The following CORO2A variants were observed in gnomAD, a reference collection of about 807,000 sequenced individuals.
CORO2A encodes the protein coronin-2A.
In CORO2A, 47 loss-of-function variants were observed where a neutral mutation model predicts 62.4. That is an observed-to-expected ratio of 0.75 (90% CI 0.60 to 0.96). CORO2A has a LOEUF of 0.96. Among genes scored for constraint, CORO2A ranks in the 40% least tolerant of loss-of-function variants. CORO2A has a pLI of 0.00. For missense variants in CORO2A, 610 were observed against 684.1 expected (o/e 0.89, Z 1.21); for synonymous variants, 273 against 268.9 (o/e 1.02, Z -0.15).
chr9:98,148,007 G>T (rs569256218), intron 2 of CORO2A, among the ~76,000 whole-genome samples: 2 of 151,910 alleles, frequency 1.3e-5, no homozygotes, highest in East Asian at 3.9e-4. Context: ...GGCACTTTGG[G>T]AGGCTGAGGC....
chr9:98,134,035 A>G (rs952221093), intron 4 of CORO2A, among the ~76,000 whole-genome samples: 34 of 152,242 alleles, frequency 2.2e-4, no homozygotes, highest in African/African-American at 8.2e-4. Context: ...TACAGGTGTG[A>G]GCCACCATGT....
At chr9:98,155,950 T>C (rs1827797276) in intron 2 of CORO2A, among the ~76,000 whole-genome samples, 1 of 152,164 alleles carries the variant, frequency 6.6e-6, no homozygotes. Context: ...CCCTTTTATC[T>C]TCTCTAATGT....
chr9:98,166,581 G>A (rs755316190), intron 1 of CORO2A, among the ~76,000 whole-genome samples: 3 of 152,144 alleles, frequency 2.0e-5, no homozygotes, highest in Non-Finnish European at 4.4e-5. Context: ...ATGCAAAAGG[G>A]TTTAGTTGCT....
intron 1 of CORO2A, among the ~76,000 whole-genome samples, chr9:98,174,159 G>T (rs2118917624): frequency 7.7e-6 from 1 of 129,108 alleles, no homozygotes; most frequent in South Asian, 2.4e-4. Flanking sequence ...AAACCAAAGA[G>T]CGTGTAGCCC....
intron 1 of CORO2A, among the ~76,000 whole-genome samples, chr9:98,174,151 A>C (rs568864168): frequency 1.8e-4 from 25 of 137,574 alleles, no homozygotes; most frequent in Admixed American, 8.0e-4. Flanking sequence ...AAAAAAAAAA[A>C]CCAAAGAGCG....
chr9:98,181,463 T>A (rs9918998), intron 1 of CORO2A, among the ~76,000 whole-genome samples: 24,300 of 151,108 alleles, frequency 0.16, 2,735 homozygotes, highest in African/African-American at 0.29. Flanking sequence ...GGCGTGAGCC[T>A]CGGTGCCTGG....
chr9:98,137,515 C>T, intron 3 of CORO2A, 57 bp downstream of exon 3: 3 of 1,436,670 alleles, frequency 2.1e-6, no homozygotes, highest in Non-Finnish European at 2.9e-6. Flanking sequence ...CATTCCACCC[C>T]AACCACCCCA....
intron 10 of CORO2A, 88 bp from the exon 11 acceptor site, chr9:98,126,911 G>C: frequency 7.0e-7 from 1 of 1,431,206 alleles, no homozygotes; most frequent in Non-Finnish European, 9.8e-7. Flanking sequence ...GGCATGCAGA[G>C]ACACTCAGAG....
rs1827363312 is a variant in CORO2A, at chr9:98,128,676, G to A, written c.1011C>T (p.Ile337=). The A allele has an allele frequency of 6.2e-7, 1 of 1,614,104 alleles. No individual in the cohort carries two copies. Among genetic ancestry groups the A allele is most frequent in the African/African-American group, 1.3e-5 (1 of 74,930 alleles). The change falls in exon 9 of 12, where the codon ATC becomes ATT. Residue 337 remains isoleucine, a synonymous_variant. Transcript: ENST00000375077. ...KRGLDVSSCE[I]FRFYKLITTK... ...TTGTGATCAGCTTGTAGAAGCGGAA[G>A]ATCTCGCAGGAGGACACGTCGAGTC... is the stretch of plus-strand genomic sequence containing the variant.
chr9:98,163,432 C>A (rs749579948), intron 1 of CORO2A, among the ~76,000 whole-genome samples: 1 of 152,162 alleles, frequency 6.6e-6, no homozygotes, highest in Non-Finnish European at 1.5e-5. Context: ...TCAGGTGATC[C>A]GCCTACCTTG....
chr9:98,177,761 A>G (rs1419769051), intron 1 of CORO2A, among the ~76,000 whole-genome samples: 1 of 151,514 alleles, frequency 6.6e-6, no homozygotes, highest in Admixed American at 6.6e-5. Flanking sequence ...AAAAAAACAA[A>G]CTGTGCTCAC....
At chr9:98,189,763 T>C (rs1370617123) in intron 1 of CORO2A, among the ~76,000 whole-genome samples, 2 of 152,248 alleles carry the variant, frequency 1.3e-5, no homozygotes, top group African/African-American at 4.8e-5. Flanking sequence ...ACTGTTTCTA[T>C]GCTGGCCAGA....
intron 1 of CORO2A, among the ~76,000 whole-genome samples, chr9:98,179,313 C>T (rs1828147584): frequency 6.6e-6 from 1 of 152,214 alleles, no homozygotes; most frequent in Admixed American, 6.5e-5. Flanking sequence ...GACGCGGAGA[C>T]CCTGCTGCCC....
rs897164855 is a variant in CORO2A at position 98,124,291 on chromosome 9, G to C, written c.*483C>G. ...GGCCTCCCAACATGCTGGAATTACA[G>C]GCGTGAGCCACTGCGCCTGGTGAGA... is the stretch of plus-strand genomic sequence containing the variant. On this transcript the variant is annotated 3_prime_UTR_variant, in exon 12 of 12. Transcript: ENST00000375077. 1 of 152,404 alleles carries C rather than the reference G, an allele frequency of 6.6e-6. No homozygotes were observed. The highest frequency in any genetic ancestry group is 1.9e-4 in the East Asian group (1 of 5,204). 9.4% of individuals were successfully genotyped at this position (152,404 alleles called of 1,614,324 possible).
In CORO2A at chr9:98,132,222, G is replaced by A. The variant is rs1185010339; in HGVS notation, c.728C>T (p.Ser243Phe). 1.2e-6 allele frequency: 2 copies of A among 1,614,210 alleles called. No homozygotes were observed. Among genetic ancestry groups the A allele is most frequent in the Admixed American group, 3.3e-5 (2 of 60,032 alleles). ...NLKKLMSTGT[S>F]RWNNRQVALW... ...GGCCACCTGCCGGTTGTTCCATCGG[G>A]ATGTGCCTGTGGACATCAGCTTCTT... The change falls in exon 6 of 12, where the codon TCC becomes TTC. Residue 243 changes from serine (S) to phenylalanine (F), a missense_variant. Ser to Phe is a radical substitution (Grantham distance 155). Transcript: ENST00000375077.
At position 98,153,676 on chromosome 9, in the gene CORO2A, A is replaced by ACACACACACACACAAT. The variant is rs1174344746; in HGVS notation, c.201+3783_201+3784insATTGTGTGTGTGTGTG. Among the ~76,000 whole-genome samples, 12 of 151,438 alleles carry ACACACACACACACAAT rather than the reference A, an allele frequency of 7.9e-5. 1 individual carries two copies. Among genetic ancestry groups the ACACACACACACACAAT allele is most frequent in the Admixed American group, 6.6e-4 (10 of 15,224 alleles). ...CACACACACACACACACACACACAC[A>ACACACACACACACAAT]CACACACACACACACACTCACACAC... On this transcript the variant is annotated intron_variant, in intron 2 of 11. Transcript: ENST00000375077.
chr9:98,130,247 A>G (rs1827386400), intron 7 of CORO2A, among the ~76,000 whole-genome samples: 2 of 151,836 alleles, frequency 1.3e-5, no homozygotes, highest in Admixed American at 1.3e-4. Context: ...CGCCTGGCTA[A>G]TTTTTTATTT....
chr9:98,133,137 G>A lies in CORO2A; in HGVS notation c.549C>T (p.Ile183=), dbSNP rs1269915650. The change falls in exon 5 of 12, where the codon ATC becomes ATT. Residue 183 remains isoleucine, a synonymous_variant. Transcript: ENST00000375077. ...CGTTGGTGTTGAAGGACATGGAGAG[G>A]ATCACATCTTGGTGACAGCTAATCG... is the stretch of plus-strand genomic sequence containing the variant. ...MSTISCHQDV[I]LSMSFNTNGS... The A allele has an allele frequency of 1.2e-6, 2 of 1,614,108 alleles. No homozygotes were observed. Among genetic ancestry groups the A allele is most frequent in the South Asian group, 2.2e-5 (2 of 91,094 alleles).
intron 3 of CORO2A, 40 bp from the exon 4 acceptor site, chr9:98,134,995 G>A (rs201518270): frequency 1.6e-4 from 259 of 1,601,522 alleles, no homozygotes; most frequent in Admixed American, 8.5e-4. Flanking sequence ...ATTAGCCAGG[G>A]CACCTTGGCA....
Sources: gnomAD v4.1 joint callset for allele counts (sites outside exome capture counted in the v4.1 genomes callset) on GRCh38, gnomAD v4.1.1 for gene constraint, MANE v1.5 for transcripts, NCBI Gene and HGNC (gene_info 2026-07-23, HGNC 2026-07-21) for gene names.